The following VSTM4 variants were observed in gnomAD, a reference collection of about 807,000 sequenced individuals.
The protein encoded by VSTM4 is V-set and transmembrane domain containing 4, also known as V-set and transmembrane domain-containing protein 4.
In VSTM4, 20 loss-of-function variants were observed where a neutral mutation model predicts 36.4. The ratio of observed to expected loss-of-function variants is 0.55; its 90% CI spans 0.39 to 0.80. The LOEUF (loss-of-function observed/expected upper bound fraction) is 0.80, where lower values mean the gene tolerates loss of function less well. Among genes scored for constraint, VSTM4 ranks in the 30% least tolerant of loss-of-function variants. VSTM4 has a pLI of 0.00. For synonymous variants in VSTM4, 182 were observed against 173.9 expected (o/e 1.05, Z -0.37); for missense variants, 392 against 404.5 (o/e 0.97, Z 0.26).
intron 7 of VSTM4, among the ~76,000 whole-genome samples, chr10:49,022,879 G>A (rs184413002): frequency 2.6e-5 from 4 of 152,124 alleles, no homozygotes; most frequent in East Asian, 1.9e-4. Flanking sequence ...ATTCCATTAC[G>A]TTTGGATATG....
At chr10:49,060,518 C>A (rs1236194873) in intron 5 of VSTM4, among the ~76,000 whole-genome samples, 2 of 152,206 alleles carry the variant, frequency 1.3e-5, no homozygotes, top group Non-Finnish European at 2.9e-5. Flanking sequence ...AATATCTGCT[C>A]AAATCTTTTG....
intron 5 of VSTM4, among the ~76,000 whole-genome samples, chr10:49,056,783 G>C (rs764252003): frequency 7.9e-5 from 12 of 152,212 alleles, no homozygotes; most frequent in Non-Finnish European, 1.8e-4. Flanking sequence ...ATTCTGAGCC[G>C]TCTTTTCTGT....
At chr10:49,041,707 A>C (rs1265510009) in intron 7 of VSTM4, among the ~76,000 whole-genome samples, 1 of 152,202 alleles carries the variant, frequency 6.6e-6, no homozygotes, top group Non-Finnish European at 1.5e-5. Context: ...GCACTAGGGG[A>C]AGTTGTTTCC....
At position 49,115,466 on chromosome 10, in the gene VSTM4, G is replaced by A. The variant is rs1213460693; in HGVS notation, c.20C>T (p.Ala7Val). 9.5e-5 allele frequency: 98 copies of A among 1,035,014 alleles called. No individual in the cohort carries two copies. Among genetic ancestry groups the A allele is most frequent in the Non-Finnish European group, 1.1e-4 (96 of 857,806 alleles). The allele number at this position is 1,035,014 out of a possible 1,614,324, so 64.1% of individuals were successfully genotyped here. Reference sequence around the variant, plus strand: ...AGCCCGCGCCAGCAGCGCGGCCGCCGCCAGTGCCAGCAGCCGCATCTCCCC... The same window carrying A: ...AGCCCGCGCCAGCAGCGCGGCCGCCACCAGTGCCAGCAGCCGCATCTCCCC... MRLLAL[A>V]AAALLARAPA... The change falls in exon 1 of 8, where the codon GCG becomes GTG. Residue 7 changes from alanine to valine, a missense_variant. Coordinates refer to ENST00000332853, the MANE Select transcript of VSTM4 (RefSeq NM_001031746.5).
chr10:49,080,384 TCCCTGGCCTAGG>T (rs1311368118), intron 3 of VSTM4, among the ~76,000 whole-genome samples: 4 of 152,212 alleles, frequency 2.6e-5, no homozygotes, highest in African/African-American at 9.7e-5. Flanking sequence ...GACTCTCCCC[TCCCTGGCCTAGG>T]CCCCAGGGAA....
intron 7 of VSTM4, among the ~76,000 whole-genome samples, chr10:49,039,297 G>A (rs974956092): frequency 2.0e-5 from 3 of 152,082 alleles, no homozygotes; most frequent in African/African-American, 4.8e-5. Flanking sequence ...GGGCCTGAGG[G>A]AGCGCAGGCA....
rs141042654 is a variant in VSTM4 at position 49,077,614 on chromosome 10, G to A, written c.527-288C>T. 2.2e-3 allele frequency among the ~76,000 whole-genome samples: 342 copies of A among 152,162 alleles called. 3 individuals are homozygous for A. Among genetic ancestry groups the A allele is most frequent in the African/African-American group, 7.9e-3 (329 of 41,494 alleles). On this transcript the variant is annotated intron_variant, in intron 3 of 7. Coordinates refer to ENST00000332853, the MANE Select transcript of VSTM4 (RefSeq NM_001031746.5). ...GTGCTGGGTCAATGGGACTTCCACT[G>A]GCAGAAAATAAAACTAAAATAAACC...
intron 2 of VSTM4, among the ~76,000 whole-genome samples, chr10:49,105,669 A>C (rs1844768190): frequency 6.6e-6 from 1 of 152,208 alleles, no homozygotes; most frequent in Non-Finnish European, 1.5e-5. Flanking sequence ...GATTCACGTT[A>C]ACCAACAAGC....
In VSTM4 at chr10:49,107,793, G is replaced by A. The variant is rs1844814253; in HGVS notation, c.258C>T (p.Tyr86=). The part of the protein sequence containing the change: ...VKMTKLRVVQ[Y]YGNFSRSAKR... ...TGGCGCTGCGGCTGAAATTCCCATA[G>A]TACTGCACCACCCGGAGCTTGGTCA... The change falls in exon 2 of 8, where the codon TAC becomes TAT. Residue 86 remains tyrosine (Y), a synonymous_variant. Coordinates refer to ENST00000332853, the MANE Select transcript of VSTM4 (RefSeq NM_001031746.5). 6.2e-7 allele frequency: 1 copy of A among 1,614,258 alleles called. No homozygotes were observed. Among genetic ancestry groups the A allele is most frequent in the African/African-American group, 1.3e-5 (1 of 75,072 alleles).
At chr10:49,071,795 T>C (rs188308528) in intron 4 of VSTM4, among the ~76,000 whole-genome samples, 2 of 152,324 alleles carry the variant, frequency 1.3e-5, no homozygotes, top group African/African-American at 2.4e-5. Context: ...GCAGCCTGCA[T>C]ACCTTGATGC....
chr10:49,055,425 A>G (rs1192686641), intron 5 of VSTM4, among the ~76,000 whole-genome samples: 1 of 152,056 alleles, frequency 6.6e-6, no homozygotes, highest in Non-Finnish European at 1.5e-5. Flanking sequence ...CCACCCCATA[A>G]CCCCATGCCC....
chr10:49,071,669 T>A (rs1246917726), intron 4 of VSTM4, among the ~76,000 whole-genome samples: 6 of 152,204 alleles, frequency 3.9e-5, no homozygotes, highest in African/African-American at 1.4e-4. Context: ...AAGGTCCCAC[T>A]GGGGGTTGCA....
intron 6 of VSTM4, among the ~76,000 whole-genome samples, chr10:49,048,054 T>C (rs999441840): frequency 1.3e-5 from 2 of 152,214 alleles, no homozygotes; most frequent in Non-Finnish European, 2.9e-5. Flanking sequence ...AACTGTGAAA[T>C]AAATTTCACA....
At chr10:49,071,573 G>GGT (rs1303254171) in intron 4 of VSTM4, among the ~76,000 whole-genome samples, 1 of 152,224 alleles carries the variant, frequency 6.6e-6, no homozygotes. Context: ...CCAGGCTTGG[G>GGT]GTGAGGGCAG....
chr10:49,086,402 T>C (rs374505215), intron 2 of VSTM4, among the ~76,000 whole-genome samples: 7 of 152,198 alleles, frequency 4.6e-5, no homozygotes, highest in African/African-American at 1.7e-4. Context: ...TATTCCTGGA[T>C]AGAGGAACCT....
At chr10:49,095,474 C>CT (rs1251843120) in intron 2 of VSTM4, among the ~76,000 whole-genome samples, 3 of 152,158 alleles carry the variant, frequency 2.0e-5, no homozygotes, top group Non-Finnish European at 2.9e-5. Flanking sequence ...CCAACCATTC[C>CT]TCTTGTTGCT....
At chr10:49,064,817 G>A (rs990858982) in intron 4 of VSTM4, 81 bp from the exon 5 acceptor site, 21 of 1,478,952 alleles carry the variant, frequency 1.4e-5, no homozygotes, top group South Asian at 2.4e-5. Flanking sequence ...AGGAAATGCC[G>A]GGAGCCAGGT....
In VSTM4 at chr10:49,085,971, A is replaced by G. The variant is rs767958525; in HGVS notation, c.510T>C (p.Thr170=). 14 of 1,592,856 alleles carry G rather than the reference A, an allele frequency of 8.8e-6. No homozygotes were observed. The highest frequency in any genetic ancestry group is 1.2e-5 in the Non-Finnish European group (14 of 1,171,704). Residue 170 remains threonine, a synonymous_variant, in exon 3 of 8, where the codon ACT becomes ACC. Coordinates refer to ENST00000332853, the MANE Select transcript of VSTM4 (RefSeq NM_001031746.5). ...EESSFEKTKE[T]WAFFEDLYVY... Reference sequence around the variant, plus strand: ...AAGCTTTACCTTCAAAAAATGCCCAAGTCTCTTTTGTTTTCTCAAAGGATG... The same window carrying G: ...AAGCTTTACCTTCAAAAAATGCCCAGGTCTCTTTTGTTTTCTCAAAGGATG...
intron 2 of VSTM4, among the ~76,000 whole-genome samples, chr10:49,096,560 A>G (rs1244949465): frequency 6.6e-6 from 1 of 151,794 alleles, no homozygotes; most frequent in Non-Finnish European, 1.5e-5. Context: ...ATTTTGGCTC[A>G]GAAGGTTAGA....
Sources: gnomAD v4.1 joint callset for allele counts (sites outside exome capture counted in the v4.1 genomes callset) on GRCh38, gnomAD v4.1.1 for gene constraint, MANE v1.5 for transcripts, NCBI Gene and HGNC (gene_info 2026-07-23, HGNC 2026-07-21) for gene names.